CDH20: variants seen among roughly 807,000 people sequenced by gnomAD.
CDH20 encodes cadherin-20.
In CDH20, 29 loss-of-function variants were observed where a neutral mutation model predicts 74.2. The observed-to-expected ratio is 0.39, with a 90% CI of 0.29 to 0.53. The LOEUF is 0.53. CDH20 is among the 20% of genes least tolerant of loss of function. The probability of loss-of-function intolerance (pLI) is 0.69; values close to 1 mark genes in which losing one functional copy is unlikely to be tolerated. For synonymous variants in CDH20, 469 were observed against 405.4 expected, an observed-to-expected ratio of 1.16 and a Z score of -1.88; for missense variants, 988 against 1,048.3, an observed-to-expected ratio of 0.94 and a Z score of 0.79.
At chr18:61,516,865 T>C (rs1406438827) in intron 6 of CDH20, among the ~76,000 whole-genome samples, 2 of 152,024 alleles carry the variant, frequency 1.3e-5, no homozygotes, top group South Asian at 2.1e-4. Flanking sequence ...ACATAAATAA[T>C]TAAATAAATA....
chr18:61,532,549 TATATATACAC>T (rs766763713), intron 7 of CDH20, among the ~76,000 whole-genome samples: 5 of 112,298 alleles, frequency 4.5e-5, no homozygotes, highest in African/African-American at 7.2e-5. Context: ...TATATATATA[TATATATACAC>T]ACACACACAC....
At chr18:61,356,618 G>T (rs10513875) in intron 1 of CDH20, among the ~76,000 whole-genome samples, 38,011 of 152,082 alleles carry the variant, frequency 0.25, 5,323 homozygotes, top group Middle Eastern at 0.45. Flanking sequence ...GCAATTCACA[G>T]GCAGTTAAGT....
intron 2 of CDH20, among the ~76,000 whole-genome samples, chr18:61,491,113 A>G (rs1910945716): frequency 6.6e-6 from 1 of 152,210 alleles, no homozygotes; most frequent in Admixed American, 6.5e-5. Context: ...GAATGACAGA[A>G]TGGGTGAGAG....
At chr18:61,485,677 A>G (rs1033183321) in intron 1 of CDH20, among the ~76,000 whole-genome samples, 2 of 152,212 alleles carry the variant, frequency 1.3e-5, no homozygotes, top group African/African-American at 4.8e-5. Flanking sequence ...ACAAGAAAAC[A>G]TGACAGTATA....
intron 1 of CDH20, among the ~76,000 whole-genome samples, chr18:61,404,584 C>T (rs995519806): frequency 1.1e-4 from 16 of 152,010 alleles, no homozygotes; most frequent in African/African-American, 2.9e-4. Context: ...TTGGTTCTGT[C>T]GCCCAAGATA....
chr18:61,554,684 C>T lies in CDH20; in HGVS notation c.2395C>T (p.Pro799Ser), dbSNP rs757444567. ...CTACGGGGCGTCGGAGGGACCCGCG[C>T]CGCTGTGGTGACGGAAGCCAGGAGG... is the stretch of plus-strand genomic sequence containing the variant. ...ELYGASEGPA[P>S]LW Residue 799 changes from proline (P) to serine (S), a missense_variant, in exon 12 of 12, where the codon CCG becomes TCG. Physicochemically the swap from Pro to Ser is moderately conservative, Grantham distance 74 (BLOSUM62 -1). Transcript: ENST00000262717. 24 of 1,568,306 alleles carry T rather than the reference C, an allele frequency of 1.5e-5. No individual in the cohort carries two copies. In the African/African-American group the frequency reaches 3.0e-4, roughly 19 times the overall value.
intron 1 of CDH20, among the ~76,000 whole-genome samples, chr18:61,450,571 T>C (rs1909352487): frequency 6.6e-6 from 1 of 152,002 alleles, no homozygotes; most frequent in Non-Finnish European, 1.5e-5. Context: ...AAAAAGAACT[T>C]TTTTTATTAT....
At chr18:61,539,213 A>C in intron 9 of CDH20, 68 bp downstream of exon 9, 1 of 1,532,624 alleles carries the variant, frequency 6.5e-7, no homozygotes, top group Non-Finnish European at 8.9e-7. Context: ...TTAGATAACC[A>C]AATTCACCAT....
intron 1 of CDH20, among the ~76,000 whole-genome samples, chr18:61,380,183 A>G (rs909232069): frequency 2.0e-4 from 31 of 152,194 alleles, no homozygotes; most frequent in African/African-American, 6.8e-4. Flanking sequence ...ATCCTGATGA[A>G]AAGTCTTCTT....
intron 6 of CDH20, among the ~76,000 whole-genome samples, chr18:61,511,051 A>G (rs113072782): frequency 6.7e-6 from 1 of 148,318 alleles, no homozygotes; most frequent in Non-Finnish European, 1.5e-5. Flanking sequence ...TGGTGGCACA[A>G]TCATGGCTCA....
At chr18:61,382,953 A>T (rs771608585) in intron 1 of CDH20, among the ~76,000 whole-genome samples, 8 of 152,006 alleles carry the variant, frequency 5.3e-5, no homozygotes, top group Non-Finnish European at 1.0e-4. Flanking sequence ...TTTGAATCTC[A>T]GCTTCTCTGC....
chr18:61,370,159 T>C (rs1406851600), intron 1 of CDH20, among the ~76,000 whole-genome samples: 1 of 152,146 alleles, frequency 6.6e-6, no homozygotes, highest in Admixed American at 6.6e-5. Context: ...GAGTTAAAAC[T>C]TCATGGGGTG....
At chr18:61,516,239 C>T (rs150847973) in intron 6 of CDH20, among the ~76,000 whole-genome samples, 327 of 152,338 alleles carry the variant, frequency 2.1e-3, no homozygotes, top group African/African-American at 7.3e-3. Flanking sequence ...AATGTTAATA[C>T]TCACATTGGG....
chr18:61,498,432 A>C (rs1375686132), intron 2 of CDH20, among the ~76,000 whole-genome samples: 1 of 150,404 alleles, frequency 6.6e-6, no homozygotes, highest in East Asian at 1.9e-4. Context: ...AAGGATTCTG[A>C]GAGCAAATAT....
chr18:61,444,571 G>A (rs1909140192), intron 1 of CDH20, among the ~76,000 whole-genome samples: 1 of 152,118 alleles, frequency 6.6e-6, no homozygotes, highest in Non-Finnish European at 1.5e-5. Context: ...TCTTTTAAAG[G>A]AAAATAGATT....
chr18:61,382,980 T>C (rs1282322227), intron 1 of CDH20, among the ~76,000 whole-genome samples: 1 of 152,156 alleles, frequency 6.6e-6, no homozygotes, highest in Non-Finnish European at 1.5e-5. Flanking sequence ...GATTACGGTC[T>C]TGGACAAGCT....
intron 1 of CDH20, among the ~76,000 whole-genome samples, chr18:61,357,977 G>A (rs1330536920): frequency 6.6e-6 from 1 of 152,074 alleles, no homozygotes; most frequent in East Asian, 1.9e-4. Flanking sequence ...CCGAACTGCT[G>A]CATGGTTCAT....
In CDH20 at chr18:61,499,900, A is replaced by C. The variant is rs1464374525; in HGVS notation, c.541+420A>C. On this transcript the variant is annotated intron_variant, in intron 3 of 11. Coordinates refer to ENST00000262717, the MANE Select transcript of CDH20 (RefSeq NM_031891.4). ...ACAAGGTCAGGAGATCCTGGCCAAC[A>C]TGGTGAAACCCCGTCTCTACTAAAT... Among the ~76,000 whole-genome samples the C allele has an allele frequency of 2.0e-5, 3 of 151,988 alleles. No individual in the cohort carries two copies. In the East Asian group the frequency reaches 5.8e-4, roughly 29 times the overall value.
intron 6 of CDH20, among the ~76,000 whole-genome samples, chr18:61,518,310 G>A (rs891426063): frequency 5.3e-5 from 8 of 152,178 alleles, no homozygotes; most frequent in African/African-American, 1.4e-4. Context: ...TGACCCCCGT[G>A]CCTCCTGACT....
Sources: gnomAD v4.1 joint callset for allele counts (sites outside exome capture counted in the v4.1 genomes callset) on GRCh38, gnomAD v4.1.1 for gene constraint, MANE v1.5 for transcripts, NCBI Gene and HGNC (gene_info 2026-07-23, HGNC 2026-07-21) for gene names.